The following SLC14A2 variants were observed in gnomAD, a reference collection of about 807,000 sequenced individuals.
SLC14A2 encodes urea transporter 2.
A neutral mutation model predicts 104.6 loss-of-function variants in SLC14A2; 91 were observed. The ratio of observed to expected loss-of-function variants is 0.87; its 90% CI spans 0.73 to 1.04. The LOEUF (loss-of-function observed/expected upper bound fraction) is 1.04, where lower values mean the gene tolerates loss of function less well. Ranked by LOEUF, SLC14A2 falls within the 50% of genes least tolerant of loss-of-function variation. The pLI, the probability that SLC14A2 is intolerant of heterozygous loss-of-function variation, is 0.00. For missense variants in SLC14A2, 1,189 were observed against 1,156.0 expected, an observed-to-expected ratio of 1.03 and a Z score of -0.41; for synonymous variants, 476 against 466.4, an observed-to-expected ratio of 1.02 and a Z score of -0.27.
rs771616790 is a variant in SLC14A2, at chr18:45,673,021, T to C, written c.2351T>C (p.Ile784Thr). 8 of 1,614,154 alleles carry C rather than the reference T, an allele frequency of 5.0e-6. No individual in the cohort carries two copies. The South Asian group carries it at 8.8e-5, about 18-fold the overall frequency. ...CCTCTCATTTGCTTGCATGCAGCAATTGGATCCACCATGGGGATGCTAGCA... is the reference window on the plus strand; with the variant it reads ...CCTCTCATTTGCTTGCATGCAGCAACTGGATCCACCATGGGGATGCTAGCA... ...SSPLICLHAAIGSTMGMLAAL... is the reference protein window; with the variant it reads ...SSPLICLHAATGSTMGMLAAL... The change falls in exon 17 of 20, where the codon ATT (isoleucine) becomes ACT (threonine). Residue 784 changes from isoleucine to threonine, a missense_variant. Ile to Thr is a moderately conservative substitution (Grantham distance 89). Transcript: ENST00000255226.
chr18:45,490,812 T>C (rs564399850), intron 2 of SLC14A2, among the ~76,000 whole-genome samples: 2 of 152,206 alleles, frequency 1.3e-5, no homozygotes, highest in South Asian at 4.1e-4. Context: ...AAACAAAATA[T>C]TAAAGCAGGC....
intron 1 of SLC14A2, among the ~76,000 whole-genome samples, chr18:45,436,341 C>A (rs1178543303): frequency 6.6e-6 from 1 of 152,170 alleles, no homozygotes; most frequent in East Asian, 1.9e-4. Context: ...CCTTCTCTGT[C>A]CTTTGATGAC....
intron 10 of SLC14A2, among the ~76,000 whole-genome samples, chr18:45,659,382 A>G (rs1280475955): frequency 6.6e-6 from 1 of 152,260 alleles, no homozygotes; most frequent in Non-Finnish European, 1.5e-5. Context: ...CTTGAGCTAT[A>G]GAATGCCCAG....
intron 2 of SLC14A2, among the ~76,000 whole-genome samples, chr18:45,505,029 C>A (rs1342832875): frequency 6.6e-6 from 1 of 151,904 alleles, no homozygotes; most frequent in East Asian, 1.9e-4. Flanking sequence ...TAGCAGTTAC[C>A]CAATGGGGCT....
At chr18:45,176,475 A>G in the SLC14A2 span, among the ~76,000 whole-genome samples, 1 of 152,132 alleles carries the variant, frequency 6.6e-6, no homozygotes, top group African/African-American at 2.4e-5. Context: ...GTCATTGTCC[A>G]GACTGAATTT....
Position 45,669,428 on chromosome 18 carries a change from T to A in SLC14A2, c.2159T>A (p.Phe720Tyr). 5 of 1,614,042 alleles carry A rather than the reference T, an allele frequency of 3.1e-6. No individual in the cohort carries two copies. Among genetic ancestry groups the A allele is most frequent in the Non-Finnish European group, 4.2e-6 (5 of 1,179,982 alleles). The change falls in exon 16 of 20, where the codon TTC (phenylalanine) becomes TAC (tyrosine). Residue 720 changes from phenylalanine to tyrosine, a missense_variant. Physicochemically the swap from Phe to Tyr is conservative, Grantham distance 22 (BLOSUM62 3). Transcript: ENST00000255226. ...LAATGHYNLFFPTTLLQPASA... is the reference protein window; with the variant it reads ...LAATGHYNLFYPTTLLQPASA... ...GCCACGGGCCACTACAACCTTTTCT[T>A]CCCCACAACGCTGCTGCAGCCTGCA... is the stretch of plus-strand genomic sequence containing the variant.
chr18:45,266,584 C>A (rs1037903022), intron 1 of SLC14A2, among the ~76,000 whole-genome samples: 1 of 152,074 alleles, frequency 6.6e-6, no homozygotes, highest in African/African-American at 2.4e-5. Context: ...TAAAAAAAAT[C>A]AAGTTGTTGA....
chr18:45,170,408 G>A, the SLC14A2 span, among the ~76,000 whole-genome samples: 1,577 of 152,330 alleles, frequency 0.01, 38 homozygotes, highest in African/African-American at 0.036. Context: ...GTTTTGAAAG[G>A]AAGTTAAAGT....
intron 2 of SLC14A2, among the ~76,000 whole-genome samples, chr18:45,579,755 G>A (rs920381856): frequency 1.1e-4 from 17 of 152,208 alleles, no homozygotes; most frequent in Admixed American, 2.0e-4. Flanking sequence ...GCCCATAGAT[G>A]AGTGCAAAGT....
intron 1 of SLC14A2, among the ~76,000 whole-genome samples, chr18:45,353,207 T>C (rs1212150207): frequency 6.6e-6 from 1 of 152,246 alleles, no homozygotes; most frequent in Admixed American, 6.5e-5. Flanking sequence ...TACGGAGTCC[T>C]TCTCAGGCCA....
chr18:45,168,006 G>A, the SLC14A2 span, among the ~76,000 whole-genome samples: 1 of 152,166 alleles, frequency 6.6e-6, no homozygotes, highest in Non-Finnish European at 1.5e-5. Flanking sequence ...TTGCAGATCT[G>A]CTACTAACTC....
At chr18:45,271,160 A>G (rs2084647097) in intron 1 of SLC14A2, among the ~76,000 whole-genome samples, 1 of 152,200 alleles carries the variant, frequency 6.6e-6, no homozygotes, top group Non-Finnish European at 1.5e-5. Flanking sequence ...TGACATTTGC[A>G]GAGCCTAACC....
chr18:45,380,209 C>G (rs2085819265), intron 1 of SLC14A2, among the ~76,000 whole-genome samples: 1 of 152,158 alleles, frequency 6.6e-6, no homozygotes, highest in South Asian at 2.1e-4. Context: ...GGCTAAATAT[C>G]ATAAGACCAA....
At chr18:45,614,007 C>T (rs942420038), upstream of SLC14A2, among the ~76,000 whole-genome samples, 1 of 152,224 alleles carries the variant, frequency 6.6e-6, no homozygotes, top group African/African-American at 2.4e-5. Flanking sequence ...TGTCAGAGAA[C>T]TTTGCAGCAA....
At chr18:45,372,942 T>A (rs2085738211) in intron 1 of SLC14A2, among the ~76,000 whole-genome samples, 1 of 152,244 alleles carries the variant, frequency 6.6e-6, no homozygotes, top group African/African-American at 2.4e-5. Context: ...TCCTTTGACA[T>A]CCAGTATGCA....
intron 1 of SLC14A2, among the ~76,000 whole-genome samples, chr18:45,378,692 G>C (rs943829200): frequency 1.3e-5 from 2 of 152,224 alleles, no homozygotes; most frequent in African/African-American, 2.4e-5. Flanking sequence ...GGACATGTCT[G>C]TTTTATTTAC....
At chr18:45,554,917 T>A (rs1003712416) in intron 2 of SLC14A2, among the ~76,000 whole-genome samples, 2 of 152,220 alleles carry the variant, frequency 1.3e-5, no homozygotes. Flanking sequence ...AATGTGGGAT[T>A]TTAGTAAGAC....
the SLC14A2 span, among the ~76,000 whole-genome samples, chr18:45,189,055 G>C: frequency 6.6e-6 from 1 of 152,112 alleles, no homozygotes; most frequent in Non-Finnish European, 1.5e-5. Context: ...TGGGTTTTGT[G>C]ACTGTTTTCT....
intron 2 of SLC14A2, among the ~76,000 whole-genome samples, chr18:45,524,498 G>T (rs1337490437): frequency 6.6e-6 from 1 of 152,198 alleles, no homozygotes; most frequent in Non-Finnish European, 1.5e-5. Context: ...GAGAGGAAGG[G>T]TTGGACACTG....
Sources: allele counts gnomAD v4.1 joint callset (sites outside exome capture counted in the v4.1 genomes callset), GRCh38; gene constraint gnomAD v4.1.1; transcripts MANE v1.5; gene names NCBI Gene and HGNC (gene_info 2026-07-23, HGNC 2026-07-21).